Variants in PRTG observed in about 807,000 individuals in gnomAD.
PRTG encodes immunoglobulin superfamily, DCC subclass, member 5.
A neutral mutation model predicts 122.5 loss-of-function variants in PRTG; 67 were observed. The ratio of observed to expected loss-of-function variants is 0.55; its 90% CI spans 0.45 to 0.67. The LOEUF (loss-of-function observed/expected upper bound fraction) is 0.67, where lower values mean the gene tolerates loss of function less well. Among genes scored for constraint, PRTG ranks in the 30% least tolerant of loss-of-function variants. The pLI is 0.00. For synonymous variants in PRTG, 554 were observed against 501.1 expected (o/e 1.11, Z -1.41); for missense variants, 1,435 against 1,415.4 (o/e 1.01, Z -0.22).
intron 11 of PRTG, among the ~76,000 whole-genome samples, chr15:55,651,245 C>T (rs1284307527): frequency 6.6e-6 from 1 of 151,834 alleles, no homozygotes; most frequent in Admixed American, 6.6e-5. Flanking sequence ...GTTAAGTTAT[C>T]TCTGAAACAG....
In PRTG at chr15:55,615,267, C is replaced by G. The variant is rs1332723478; in HGVS notation, c.*4745G>C. 6.6e-6 allele frequency: 1 copy of G among 152,094 alleles called. No individual in the cohort carries two copies. The highest frequency in any genetic ancestry group is 1.5e-5 in the Non-Finnish European group (1 of 67,974). The allele number at this position is 152,094 out of a possible 1,614,324, so 9.4% of individuals were successfully genotyped here. A position where few individuals can be genotyped will look rare whatever the true frequency, so the allele number is the denominator to read the frequency against. On this transcript the variant is annotated 3_prime_UTR_variant, in exon 20 of 20. Transcript: ENST00000389286. ...GGGAGACCTGTGTTAGACTTCTGATCTGCAGAACTTAAGAAAAATTTGTGT... is the reference window on the plus strand; with the variant it reads ...GGGAGACCTGTGTTAGACTTCTGATGTGCAGAACTTAAGAAAAATTTGTGT...
chr15:55,719,924 T>C (rs2030747465), intron 2 of PRTG, among the ~76,000 whole-genome samples: 1 of 151,334 alleles, frequency 6.6e-6, no homozygotes, highest in East Asian at 1.9e-4. Flanking sequence ...TAGCCGGGCA[T>C]GGTGGTGGGC....
intron 2 of PRTG, among the ~76,000 whole-genome samples, chr15:55,737,596 A>G (rs1285364269): frequency 6.6e-6 from 1 of 152,184 alleles, no homozygotes; most frequent in Non-Finnish European, 1.5e-5. Flanking sequence ...TTGGCCAATG[A>G]ATGAGGGTCA....
chr15:55,681,743 C>T (rs938540647), intron 4 of PRTG, among the ~76,000 whole-genome samples: 6 of 152,074 alleles, frequency 3.9e-5, no homozygotes, highest in South Asian at 2.1e-4. Flanking sequence ...CAAAAGAATA[C>T]GACTAGAAAC....
At chr15:55,650,220 T>G (rs2059346305) in intron 11 of PRTG, among the ~76,000 whole-genome samples, 1 of 152,168 alleles carries the variant, frequency 6.6e-6, no homozygotes, top group Non-Finnish European at 1.5e-5. Flanking sequence ...TTTCTTTAGA[T>G]AACAACCTAT....
rs185194256 is a variant in PRTG, at chr15:55,618,942, T to C, written c.*1070A>G. ...TGTCTACTGTTGCATTTACCTTCAT[T>C]CTTAATAGTTCATGAAATGTCTTCA... is the stretch of plus-strand genomic sequence containing the variant. On this transcript the variant is annotated 3_prime_UTR_variant, in exon 20 of 20. Transcript: ENST00000389286. 1 of 152,182 alleles carries C rather than the reference T, an allele frequency of 6.6e-6. No homozygotes were observed. The highest frequency in any genetic ancestry group is 6.5e-5 in the Admixed American group (1 of 15,282). The allele number at this position is 152,182 out of a possible 1,614,324, so 9.4% of individuals were successfully genotyped here.
intron 15 of PRTG, among the ~76,000 whole-genome samples, chr15:55,630,639 A>T (rs1041285357): frequency 1.3e-5 from 2 of 152,194 alleles, no homozygotes; most frequent in African/African-American, 4.8e-5. Context: ...GACTGATAAG[A>T]AAGATTCCTA....
Position 55,672,525 on chromosome 15 carries a change from T to C in PRTG, c.1961A>G (p.Tyr654Cys). 1.9e-6 allele frequency: 3 copies of C among 1,614,104 alleles called. No individual in the cohort carries two copies. Among genetic ancestry groups the C allele is most frequent in the Non-Finnish European group, 2.5e-6 (3 of 1,179,956 alleles). Residue 654 changes from tyrosine (Y) to cysteine (C), a missense_variant, in exon 11 of 20, where the codon TAC becomes TGC. Physicochemically the swap from Tyr to Cys is radical, Grantham distance 194. Transcript: ENST00000389286. ...CTCCTGCTGCCCTTCTTCCTTGTAG[T>C]ACAGCTTGTAGCCCTGAATAGCAGC... The part of the protein sequence containing the change: ...DTAAIQGYKL[Y>C]YKEEGQQENG...
intron 18 of PRTG, among the ~76,000 whole-genome samples, chr15:55,621,931 A>G (rs2059168470): frequency 6.6e-6 from 1 of 152,160 alleles, no homozygotes; most frequent in Admixed American, 6.5e-5. Flanking sequence ...GTATGTTTGA[A>G]AATTTTAAAA....
chr15:55,731,084 A>T (rs1316114645), intron 2 of PRTG, among the ~76,000 whole-genome samples: 1 of 151,548 alleles, frequency 6.6e-6, no homozygotes, highest in Non-Finnish European at 1.5e-5. Flanking sequence ...ACAAGTCTAA[A>T]CATTGGGAGA....
At chr15:55,722,551 G>A (rs1414731260) in intron 2 of PRTG, among the ~76,000 whole-genome samples, 1 of 152,170 alleles carries the variant, frequency 6.6e-6, no homozygotes, top group East Asian at 1.9e-4. Context: ...AAAATCTCAT[G>A]CTGAAAACTA....
At chr15:55,699,283 G>C (rs1010860673) in intron 2 of PRTG, among the ~76,000 whole-genome samples, 3 of 151,680 alleles carry the variant, frequency 2.0e-5, no homozygotes, top group African/African-American at 7.3e-5. Flanking sequence ...CTTTTTTTTG[G>C]TATTTTCCCC....
chr15:55,696,299 C>G (rs2141835182), intron 2 of PRTG, among the ~76,000 whole-genome samples: 1 of 152,254 alleles, frequency 6.6e-6, no homozygotes. Flanking sequence ...ACACAACTCT[C>G]AAGCATCCAC....
chr15:55,637,198 T>G lies in PRTG; in HGVS notation c.2595A>C (p.Ala865=), dbSNP rs1215256451. 3 of 1,605,442 alleles carry G rather than the reference T, an allele frequency of 1.9e-6. No homozygotes were observed. The highest frequency in any genetic ancestry group is 8.5e-7 in the Non-Finnish European group (1 of 1,176,078). The change falls in exon 15 of 20, where the codon GCA becomes GCC. Residue 865 remains alanine (A), a synonymous_variant. Coordinates refer to ENST00000389286, the MANE Select transcript of PRTG (RefSeq NM_173814.6). ...CACGGTGTAAGACCTGCCACTCTCC[T>G]GCAATCCAGGCCTTCCTAGATGCAT... ...ILYASRKAWI[A]GEWQVLHREG...
chr15:55,664,129 C>G (rs914723395), intron 11 of PRTG, among the ~76,000 whole-genome samples: 4 of 151,784 alleles, frequency 2.6e-5, no homozygotes, highest in Non-Finnish European at 5.9e-5. Flanking sequence ...TTTGTTTTGG[C>G]GGGGTGGGAG....
chr15:55,730,160 G>T (rs372868082), intron 2 of PRTG, among the ~76,000 whole-genome samples: 25 of 151,934 alleles, frequency 1.6e-4, no homozygotes, highest in Admixed American at 6.6e-5. Flanking sequence ...GGAGTGCAGC[G>T]GCATGACCTC....
intron 2 of PRTG, among the ~76,000 whole-genome samples, chr15:55,737,020 C>G (rs1239424541): frequency 6.6e-6 from 1 of 152,166 alleles, no homozygotes; most frequent in Non-Finnish European, 1.5e-5. Flanking sequence ...ATTTATCTTA[C>G]CTATTTCAAC....
intron 2 of PRTG, among the ~76,000 whole-genome samples, chr15:55,728,349 G>A (rs975638085): frequency 6.6e-6 from 1 of 152,210 alleles, no homozygotes; most frequent in South Asian, 2.1e-4. Flanking sequence ...GAATATGGAT[G>A]CAAAATCTCA....
At chr15:55,626,290 T>C in intron 17 of PRTG, among the ~76,000 whole-genome samples, 1 of 151,776 alleles carries the variant, frequency 6.6e-6, no homozygotes, top group East Asian at 1.9e-4. Flanking sequence ...GCGCTTGTAA[T>C]GCCAGCTACT....
Sources: allele counts gnomAD v4.1 joint callset (sites outside exome capture counted in the v4.1 genomes callset), GRCh38; gene constraint gnomAD v4.1.1; transcripts MANE v1.5; gene names NCBI Gene and HGNC (gene_info 2026-07-23, HGNC 2026-07-21).